MAPKAP1: variants seen among roughly 807,000 people sequenced by gnomAD.
MAPKAP1 encodes target of rapamycin complex 2 subunit MAPKAP1.
A neutral mutation model predicts 65.7 loss-of-function variants in MAPKAP1; 20 were observed. That is an observed-to-expected ratio of 0.30 (90% CI 0.21 to 0.44). The LOEUF is 0.44. Among genes scored for constraint, MAPKAP1 ranks in the 20% least tolerant of loss-of-function variants. MAPKAP1 has a pLI of 1.00. For synonymous variants in MAPKAP1, 222 were observed against 244.3 expected, an observed-to-expected ratio of 0.91 and a Z score of 0.85; for missense variants, 423 against 648.0, an observed-to-expected ratio of 0.65 and a Z score of 3.77.
intron 8 of MAPKAP1, among the ~76,000 whole-genome samples, chr9:125,501,486 G>A (rs1047577509): frequency 3.3e-5 from 5 of 152,036 alleles, no homozygotes; most frequent in Admixed American, 2.6e-4. Context: ...GTCTTGTATG[G>A]TCTTTACTGA....
intron 8 of MAPKAP1, among the ~76,000 whole-genome samples, chr9:125,498,368 T>C (rs1828867707): frequency 6.6e-6 from 1 of 152,250 alleles, no homozygotes; most frequent in African/African-American, 2.4e-5. Context: ...CTTAAAATTT[T>C]GGTCTTATCA....
chr9:125,596,491 A>C, intron 4 of MAPKAP1: 1 of 743,370 alleles, frequency 1.3e-6, no homozygotes, highest in East Asian at 2.5e-5. Flanking sequence ...TTTTGAACCC[A>C]TGATGAAAGG....
At chr9:125,536,618 T>G (rs1830082944) in intron 7 of MAPKAP1, among the ~76,000 whole-genome samples, 1 of 121,550 alleles carries the variant, frequency 8.2e-6, no homozygotes, top group South Asian at 2.5e-4. Context: ...TGTTTATTCT[T>G]TTAAGGATTA....
At chr9:125,469,505 A>G (rs1456510872) in intron 9 of MAPKAP1, among the ~76,000 whole-genome samples, 1 of 152,232 alleles carries the variant, frequency 6.6e-6, no homozygotes, top group African/African-American at 2.4e-5. Context: ...CCCAAATACC[A>G]GCTAGACAAA....
chr9:125,500,429 G>A (rs1213882624), intron 8 of MAPKAP1, among the ~76,000 whole-genome samples: 1 of 151,062 alleles, frequency 6.6e-6, no homozygotes, highest in South Asian at 2.1e-4. Context: ...TCCTGACCTC[G>A]TGATCCACCC....
chr9:125,611,773 T>C (rs1564581974), intron 4 of MAPKAP1, among the ~76,000 whole-genome samples: 1 of 152,142 alleles, frequency 6.6e-6, no homozygotes, highest in Non-Finnish European at 1.5e-5. Flanking sequence ...AATTCTGAAA[T>C]TGTGTGAACA....
In MAPKAP1 at chr9:125,707,057, C is replaced by G. The variant is rs1161398357; in HGVS notation, c.-156G>C. The stretch of plus-strand genomic sequence containing the variant: ...CCGGCTCCCCCACGCCTCCCGGCCC[C>G]TGCCCCGAGCTCTGCACTCTCGGGA... On this transcript the variant is annotated 5_prime_UTR_variant, in exon 1 of 12. Transcript: ENST00000265960. 2 of 397,642 alleles carry G rather than the reference C, an allele frequency of 5.0e-6. No individual in the cohort carries two copies. The highest frequency in any genetic ancestry group is 7.1e-5 in the East Asian group (2 of 28,000). The allele number at this position is 397,642 out of a possible 1,614,324, so 24.6% of individuals were successfully genotyped here.
chr9:125,538,053 CT>C (rs1358601680), intron 7 of MAPKAP1, among the ~76,000 whole-genome samples: 3 of 152,116 alleles, frequency 2.0e-5, no homozygotes, highest in African/African-American at 7.2e-5. Context: ...TCTTTTATTT[CT>C]TTGTGTTCAT....
intron 9 of MAPKAP1, among the ~76,000 whole-genome samples, chr9:125,482,073 A>C (rs1225620681): frequency 6.7e-6 from 1 of 149,838 alleles, no homozygotes; most frequent in Non-Finnish European, 1.5e-5. Flanking sequence ...CAGGGGCTGC[A>C]GTGAGCCGAG....
chr9:125,497,834 T>C (rs1828852975), intron 8 of MAPKAP1, among the ~76,000 whole-genome samples: 2 of 152,232 alleles, frequency 1.3e-5, no homozygotes, highest in South Asian at 4.1e-4. Context: ...TGATGGGAAA[T>C]TCCACTTTCT....
At chr9:125,463,209 C>T (rs946115249) in intron 10 of MAPKAP1, among the ~76,000 whole-genome samples, 1 of 152,194 alleles carries the variant, frequency 6.6e-6, no homozygotes, top group Non-Finnish European at 1.5e-5. Flanking sequence ...AACAATGGAA[C>T]GGGAAGGCAA....
chr9:125,632,597 T>C (rs1297372910), intron 4 of MAPKAP1, among the ~76,000 whole-genome samples: 1 of 152,042 alleles, frequency 6.6e-6, no homozygotes, highest in Non-Finnish European at 1.5e-5. Context: ...TAAGTGCAAG[T>C]ATCATTTTGG....
chr9:125,530,288 C>G (rs945741569), intron 7 of MAPKAP1, among the ~76,000 whole-genome samples: 1 of 152,214 alleles, frequency 6.6e-6, no homozygotes, highest in African/African-American at 2.4e-5. Context: ...GACTGAGACT[C>G]TTCATGGAGG....
At chr9:125,646,539 G>A (rs1318887720) in intron 4 of MAPKAP1, among the ~76,000 whole-genome samples, 1 of 152,148 alleles carries the variant, frequency 6.6e-6, no homozygotes, top group Non-Finnish European at 1.5e-5. Flanking sequence ...ATGGAGCTAT[G>A]GTAATAATGA....
chr9:125,668,779 G>A (rs764526649), intron 3 of MAPKAP1, among the ~76,000 whole-genome samples: 15 of 152,168 alleles, frequency 9.9e-5, no homozygotes, highest in East Asian at 3.8e-4. Flanking sequence ...TACACTAAGG[G>A]AAAAGAATTT....
chr9:125,679,752 C>T (rs1411596), intron 1 of MAPKAP1, among the ~76,000 whole-genome samples: 2,982 of 152,230 alleles, frequency 0.02, 162 homozygotes, highest in East Asian at 0.15. Flanking sequence ...GGCAACAATA[C>T]GACTTACAAT....
At chr9:125,653,462 G>GAATCTTA (rs1833948058) in intron 4 of MAPKAP1, among the ~76,000 whole-genome samples, 2 of 152,176 alleles carry the variant, frequency 1.3e-5, no homozygotes, top group South Asian at 4.1e-4. Context: ...ATTCATCTTA[G>GAATCTTA]GAGATGAGGA....
At chr9:125,514,934 G>A (rs1829417848) in intron 7 of MAPKAP1, among the ~76,000 whole-genome samples, 1 of 152,082 alleles carries the variant, frequency 6.6e-6, no homozygotes, top group South Asian at 2.1e-4. Flanking sequence ...ATGCTAAAAT[G>A]TCTGCATTTA....
chr9:125,533,512 C>T (rs535416261), intron 7 of MAPKAP1, among the ~76,000 whole-genome samples: 11 of 152,066 alleles, frequency 7.2e-5, no homozygotes, highest in African/African-American at 2.7e-4. Flanking sequence ...TACAGTGGCA[C>T]GATCTTGGCT....
Sources: gnomAD v4.1 joint callset for allele counts (sites outside exome capture counted in the v4.1 genomes callset) on GRCh38, gnomAD v4.1.1 for gene constraint, MANE v1.5 for transcripts, NCBI Gene and HGNC (gene_info 2026-07-23, HGNC 2026-07-21) for gene names.